MAML3: variants seen among roughly 807,000 people sequenced by gnomAD.
MAML3 encodes mastermind like transcriptional coactivator 3, also known as mastermind-like protein 3.
A neutral mutation model predicts 101.9 loss-of-function variants in MAML3; 27 were observed. The ratio of observed to expected loss-of-function variants is 0.27; its 90% CI spans 0.20 to 0.37. The LOEUF (loss-of-function observed/expected upper bound fraction) is 0.37. Among genes scored for constraint, MAML3 ranks in the 10% least tolerant of loss-of-function variants. The pLI is 1.00. For missense variants in MAML3, 1,316 were observed against 1,444.9 expected (o/e 0.91, Z 1.45); for synonymous variants, 501 against 555.9 (o/e 0.90, Z 1.39).
chr4:140,137,471 C>T (rs1354072531), intron 1 of MAML3, among the ~76,000 whole-genome samples: 1 of 152,214 alleles, frequency 6.6e-6, no homozygotes, highest in Non-Finnish European at 1.5e-5. Flanking sequence ...CCTCTTGCTT[C>T]TTCCTCTTAC....
intron 1 of MAML3, among the ~76,000 whole-genome samples, chr4:140,049,174 A>G (rs1727228292): frequency 6.6e-6 from 1 of 152,192 alleles, no homozygotes; most frequent in South Asian, 2.1e-4. Flanking sequence ...AATGGCATTT[A>G]TCGCAAGTAC....
At chr4:139,856,564 T>C (rs143452234) in intron 2 of MAML3, among the ~76,000 whole-genome samples, 22 of 152,322 alleles carry the variant, frequency 1.4e-4, no homozygotes, top group African/African-American at 4.8e-4. Context: ...TCCTGATACG[T>C]TGTACTCAGG....
intron 2 of MAML3, among the ~76,000 whole-genome samples, chr4:139,774,574 T>C (rs1730057680): frequency 1.3e-5 from 2 of 152,178 alleles, no homozygotes; most frequent in African/African-American, 2.4e-5. Context: ...CTAAGTATAA[T>C]TGTGTGAAGT....
intron 1 of MAML3, among the ~76,000 whole-genome samples, chr4:140,130,917 C>T (rs1015336576): frequency 1.3e-5 from 2 of 152,066 alleles, no homozygotes; most frequent in African/African-American, 4.8e-5. Flanking sequence ...ACTGCCACGT[C>T]ATGTATAAGG....
intron 2 of MAML3, among the ~76,000 whole-genome samples, chr4:139,778,218 G>C (rs1267264729): frequency 6.6e-6 from 1 of 152,224 alleles, no homozygotes; most frequent in Non-Finnish European, 1.5e-5. Context: ...TCCCAAGAGA[G>C]CTGGAGATGA....
At chr4:140,110,575 A>T (rs1330163169) in intron 1 of MAML3, among the ~76,000 whole-genome samples, 3 of 152,228 alleles carry the variant, frequency 2.0e-5, no homozygotes, top group African/African-American at 7.2e-5. Context: ...TTTGACCAGC[A>T]AACACTTTCT....
In MAML3 at chr4:140,152,230, C is replaced by A. The variant is rs554708067; in HGVS notation, c.468+630G>T. ...GAGCACCCCCGCGCGCAGCCACCCT[C>A]GCTCGTTTCTCACCCACTTCAAAGT... On this transcript the variant is annotated intron_variant, in intron 1 of 4. Transcript: ENST00000509479. 3.9e-5 allele frequency among the ~76,000 whole-genome samples: 6 copies of A among 152,340 alleles called. No individual in the cohort carries two copies. In the East Asian group the frequency reaches 1.2e-3, roughly 30 times the overall value.
intron 1 of MAML3, among the ~76,000 whole-genome samples, chr4:139,968,133 G>A (rs1045669931): frequency 1.3e-5 from 2 of 151,592 alleles, no homozygotes; most frequent in African/African-American, 4.8e-5. Context: ...ACAAAAATTA[G>A]CCAGGCATGG....
intron 1 of MAML3, among the ~76,000 whole-genome samples, chr4:140,114,713 C>G (rs867389760): frequency 6.6e-6 from 1 of 152,212 alleles, no homozygotes; most frequent in Non-Finnish European, 1.5e-5. Context: ...AACTCATGGC[C>G]TATCTTGTTT....
chr4:140,104,529 C>T (rs1728318286), intron 1 of MAML3, among the ~76,000 whole-genome samples: 2 of 139,034 alleles, frequency 1.4e-5, no homozygotes, highest in Non-Finnish European at 3.0e-5. Context: ...CTGGAGTATA[C>T]TGGCCCAATC....
At chr4:139,894,292 C>T (rs542852948) in intron 1 of MAML3, among the ~76,000 whole-genome samples, 8 of 152,140 alleles carry the variant, frequency 5.3e-5, no homozygotes, top group African/African-American at 9.6e-5. Context: ...GGGCAGATCG[C>T]GAGGTCAAGA....
At position 140,069,407 on chromosome 4, in the gene MAML3, GGAGGAGGAGGAGGGGAAGGAGGA is replaced by G. The variant is rs1475989333; in HGVS notation, c.468+83430_468+83452del. On this transcript the variant is annotated intron_variant, in intron 1 of 4. Coordinates refer to ENST00000509479, the MANE Select transcript of MAML3 (RefSeq NM_018717.5). ...AGAAGGAGGAGGAGGAGGAGGAGGA[GGAGGAGGAGGAGGGGAAGGAGGA>G]GAAGGAGGAGAAGGAGGAGAAGGAG... Among the ~76,000 whole-genome samples, 87 of 111,768 alleles carry G rather than the reference GGAGGAGGAGGAGGGGAAGGAGGA, an allele frequency of 7.8e-4. 2 individuals are homozygous for G. The highest frequency in any genetic ancestry group is 1.3e-3 in the Non-Finnish European group (70 of 54,028). 73.3% of individuals were successfully genotyped at this position (111,768 alleles called of 152,430 possible).
chr4:139,767,180 T>C (rs1431618887), intron 2 of MAML3, among the ~76,000 whole-genome samples: 1 of 152,180 alleles, frequency 6.6e-6, no homozygotes. Flanking sequence ...AAGTCCACAT[T>C]GGGTCAGGCC....
chr4:139,844,333 G>A (rs1344261828), intron 2 of MAML3, among the ~76,000 whole-genome samples: 1 of 152,210 alleles, frequency 6.6e-6, no homozygotes, highest in African/African-American at 2.4e-5. Flanking sequence ...GTCCCATATG[G>A]TGATGGTAAT....
chr4:140,007,490 T>C (rs971665345), intron 1 of MAML3, among the ~76,000 whole-genome samples: 4 of 152,190 alleles, frequency 2.6e-5, no homozygotes, highest in African/African-American at 9.6e-5. Context: ...TCCATTATAT[T>C]CCAGTAAAGG....
chr4:139,913,059 A>G (rs1439620569), intron 1 of MAML3, among the ~76,000 whole-genome samples: 2 of 152,242 alleles, frequency 1.3e-5, no homozygotes, highest in Non-Finnish European at 2.9e-5. Context: ...CCTGACACAC[A>G]GTGATAATGT....
At chr4:139,929,771 T>G (rs1251456641) in intron 1 of MAML3, among the ~76,000 whole-genome samples, 1 of 152,244 alleles carries the variant, frequency 6.6e-6, no homozygotes, top group Admixed American at 6.5e-5. Context: ...AGGAAAGAGC[T>G]AAATGTGTTC....
At chr4:139,759,025 C>T (rs1560785616) in intron 2 of MAML3, among the ~76,000 whole-genome samples, 1 of 152,216 alleles carries the variant, frequency 6.6e-6, no homozygotes, top group Non-Finnish European at 1.5e-5. Context: ...GGTTGAGAGA[C>T]TGGTTCTAAA....
chr4:139,949,542 T>C (rs2110755237), intron 1 of MAML3, among the ~76,000 whole-genome samples: 1 of 152,356 alleles, frequency 6.6e-6, no homozygotes, highest in South Asian at 2.1e-4. Flanking sequence ...GCTTGTAACA[T>C]AACTTTTATT....
Sources: gnomAD v4.1 joint callset for allele counts (sites outside exome capture counted in the v4.1 genomes callset) on GRCh38, gnomAD v4.1.1 for gene constraint, MANE v1.5 for transcripts, NCBI Gene and HGNC (gene_info 2026-07-23, HGNC 2026-07-21) for gene names.